ERN2: variants seen among roughly 807,000 people sequenced by gnomAD.
The protein encoded by ERN2 is endoplasmic reticulum to nucleus signaling 2.
ERN2 carries 111 observed loss-of-function variants against 107.9 expected under a neutral mutation model. That is an observed-to-expected ratio of 1.03 (90% CI 0.88 to 1.20). The LOEUF (loss-of-function observed/expected upper bound fraction) is 1.20. ERN2 is among the 50% of genes most tolerant of loss of function. The probability of loss-of-function intolerance (pLI) is 0.00; values close to 1 mark genes in which losing one functional copy is unlikely to be tolerated. For synonymous variants in ERN2, 524 were observed against 501.7 expected (o/e 1.04, Z -0.59); for missense variants, 1,225 against 1,197.9 (o/e 1.02, Z -0.33).
chr16:23,709,297 T>A (rs2141023569), intron 4 of ERN2: 1 of 356,686 alleles, frequency 2.8e-6, no homozygotes, highest in East Asian at 9.2e-5. Flanking sequence ...ATGCTGTCTT[T>A]AAAAAATTTG....
chr16:23,696,844 A>G (rs1362402542), intron 13 of ERN2: 1 of 152,124 alleles, frequency 6.6e-6, no homozygotes, highest in African/African-American at 2.4e-5. Context: ...ACTTTATAAG[A>G]GTTTTTAGCT....
Position 23,699,924 on chromosome 16 carries a change from T to G in ERN2, c.1525+615A>C, listed in dbSNP as rs1028673728. 9.8e-5 allele frequency among the ~76,000 whole-genome samples: 15 copies of G among 152,342 alleles called. 1 individual carries two copies. The highest frequency in any genetic ancestry group is 4.6e-4 in the Admixed American group (7 of 15,306). On this transcript the variant is annotated intron_variant, in intron 13 of 21. Coordinates refer to ENST00000256797, the MANE Select transcript of ERN2 (RefSeq NM_033266.4). ...TGATGAGATGATGTAATGAACTGGA[T>G]GTTATTATTCCCATTTGACAAATGA...
chr16:23,696,065 T>G (rs1001309929), intron 13 of ERN2, 87 bp from the exon 14 acceptor site: 1 of 967,126 alleles, frequency 1.0e-6, no homozygotes, highest in African/African-American at 1.6e-5. Context: ...TGACATTTTC[T>G]GGGCCTCCAC....
rs139607989 is a variant in ERN2, at chr16:23,695,921, C to A, written c.1583G>T (p.Arg528Leu). The A allele has an allele frequency of 3.1e-6, 5 of 1,614,022 alleles. No individual in the cohort carries two copies. The highest frequency in any genetic ancestry group is 4.2e-6 in the Non-Finnish European group (5 of 1,179,986). ...GAAAACGAAAGTCCCGCCTGCCCCGCGGCCCAGCACGTCCTTGGGATTGAA... is the reference window on the plus strand; with the variant it reads ...GAAAACGAAAGTCCCGCCTGCCCCGAGGCCCAGCACGTCCTTGGGATTGAA... ...ISFNPKDVLGRGAGGTFVFRG... is the reference protein window; with the variant it reads ...ISFNPKDVLGLGAGGTFVFRG... Residue 528 changes from arginine (R) to leucine (L), a missense_variant, in exon 14 of 22, where the codon CGC (arginine) becomes CTC (leucine). Arg to Leu is a moderately radical substitution (Grantham distance 102, BLOSUM62 -2). Transcript: ENST00000256797.
intron 13 of ERN2, 47 bp downstream of exon 13, chr16:23,700,492 G>T (rs74012338): frequency 0.049 from 75,577 of 1,547,578 alleles, 2,391 homozygotes; most frequent in African/African-American, 0.13. Context: ...ATCTGCCCCT[G>T]GCTTTTCTCT....
intron 12 of ERN2, 24 bp downstream of exon 12, chr16:23,700,935 C>A: frequency 1.9e-6 from 3 of 1,609,284 alleles, no homozygotes; most frequent in Non-Finnish European, 2.5e-6. Context: ...CCAGATAGAC[C>A]TGAGGTCAGG....
chr16:23,708,635 G>A (rs1057207759), intron 4 of ERN2, among the ~76,000 whole-genome samples: 2 of 152,104 alleles, frequency 1.3e-5, no homozygotes, highest in African/African-American at 2.4e-5. Flanking sequence ...TGGGATTACA[G>A]GCATAAGCCA....
At chr16:23,706,936 T>C (rs1960340467) in intron 5 of ERN2, 71 bp downstream of exon 5, 3 of 1,577,408 alleles carry the variant, frequency 1.9e-6, no homozygotes, top group African/African-American at 1.3e-5. Flanking sequence ...TTGTGCCTAA[T>C]TAGCCGTCAC....
At chr16:23,710,034 T>C in intron 4 of ERN2, 138 bp downstream of exon 4, 2 of 643,950 alleles carry the variant, frequency 3.1e-6, no homozygotes, top group South Asian at 3.7e-5. Context: ...TCAGACAGCC[T>C]TCTCACAATG....
intron 4 of ERN2, 94 bp from the exon 5 acceptor site, chr16:23,707,173 A>G (rs1960354853): frequency 1.2e-6 from 1 of 859,000 alleles, no homozygotes; most frequent in Admixed American, 1.8e-5. Context: ...ACCAATTAAC[A>G]GGTATTACTA....
intron 13 of ERN2, among the ~76,000 whole-genome samples, chr16:23,698,186 CAG>C (rs1194570887): frequency 6.6e-6 from 1 of 152,208 alleles, no homozygotes; most frequent in Non-Finnish European, 1.5e-5. Flanking sequence ...ATTGTTCAAA[CAG>C]GGGCACCATC....
intron 1 of ERN2, 44 bp downstream of exon 1, chr16:23,713,051 C>G (rs1412854146): frequency 5.6e-6 from 8 of 1,423,668 alleles, no homozygotes; most frequent in Non-Finnish European, 7.4e-6. Context: ...CCCTGCGCCC[C>G]GCGACCAGAC....
intron 1 of ERN2, chr16:23,712,048 G>A (rs1167108662): frequency 2.2e-6 from 1 of 454,214 alleles, no homozygotes; most frequent in East Asian, 7.0e-5. Flanking sequence ...CCCAGCAGGA[G>A]GCCTAACATC....
Position 23,702,104 on chromosome 16 carries a change from A to G in ERN2, c.1203+48T>C, listed in dbSNP as rs769180928. The G allele has an allele frequency of 1.0e-5, 16 of 1,578,634 alleles. No homozygotes were observed. The South Asian group carries it at 1.7e-4, about 17-fold the overall frequency. On this transcript the variant is annotated intron_variant, in intron 11 of 21. Coordinates refer to ENST00000256797, the MANE Select transcript of ERN2 (RefSeq NM_033266.4). ...AAAAGATCCAAGGGCTATTCCCCCC[A>G]TCTGCTGGGGCCTCCCTACCCCCAC...
At position 23,690,984 on chromosome 16, in the gene ERN2, A is replaced by G. The variant is rs1267606070; in HGVS notation, c.2628T>C (p.Asp876=). 2.5e-6 allele frequency: 4 copies of G among 1,614,182 alleles called. No individual in the cohort carries two copies. The South Asian group carries it at 4.4e-5, about 18-fold the overall frequency. The change falls in exon 22 of 22, where the codon GAT becomes GAC. Residue 876 remains aspartate (D), a synonymous_variant. Coordinates refer to ENST00000256797, the MANE Select transcript of ERN2 (RefSeq NM_033266.4). ...EVRQALGQVP[D]GFVQYFTNRF... ...GGTTTGTGAAGTACTGGACGAAGCC[A>G]TCAGGGACTTGGCCGAGTGCCTGTC...
intron 19 of ERN2, 136 bp downstream of exon 19, chr16:23,691,827 G>C: frequency 7.9e-7 from 1 of 1,260,756 alleles, no homozygotes; most frequent in African/African-American, 1.5e-5. Flanking sequence ...CTGGCTCCCA[G>C]TTTAGGGAAA....
chr16:23,698,234 A>G (rs1959907599), intron 13 of ERN2, among the ~76,000 whole-genome samples: 1 of 152,208 alleles, frequency 6.6e-6, no homozygotes, highest in African/African-American at 2.4e-5. Context: ...AGCCAGCCAC[A>G]TGCATTTGGA....
Position 23,691,271 on chromosome 16 carries a change from C to T in ERN2, c.2500+31G>A, listed in dbSNP as rs374927562. ...CACCGCCCAGGCCCACTCCCCTCCA[C>T]CGCCCAGGCCCACCTGAGTATGGCC... On this transcript the variant is annotated intron_variant, in intron 20 of 21. Transcript: ENST00000256797. The T allele has an allele frequency of 1.1e-5, 18 of 1,612,314 alleles. No individual in the cohort carries two copies. In the African/African-American group the frequency reaches 2.4e-4, roughly 21 times the overall value.
In ERN2 at chr16:23,695,135, G is replaced by A; in HGVS notation, c.1801-17C>T. 1.2e-6 allele frequency: 2 copies of A among 1,613,742 alleles called. No homozygotes were observed. ...TTCTACGTACTGAGCAGCAGCAAGG[G>A]CCAAAGCATCACTCTCCAGCCCGGA... On this transcript the variant is annotated splice_polypyrimidine_tract_variant and intron_variant, in intron 15 of 21. Transcript: ENST00000256797.
Sources: allele counts gnomAD v4.1 joint callset (sites outside exome capture counted in the v4.1 genomes callset), GRCh38; gene constraint gnomAD v4.1.1; transcripts MANE v1.5; gene names NCBI Gene and HGNC (gene_info 2026-07-23, HGNC 2026-07-21).